TOR2A: variants seen among roughly 807,000 people sequenced by gnomAD.
TOR2A encodes the protein torsin family 2 member A.
In TOR2A, 24 loss-of-function variants were observed where a neutral mutation model predicts 28.6. The observed-to-expected ratio is 0.84, with a 90% confidence interval of 0.61 to 1.18. TOR2A has a LOEUF of 1.18. Among genes scored for constraint, TOR2A ranks in the 50% most tolerant of loss-of-function variants. TOR2A has a pLI of 0.00. For missense variants in TOR2A, 426 were observed against 448.1 expected, an observed-to-expected ratio of 0.95 and a Z score of 0.45; for synonymous variants, 203 against 203.1, an observed-to-expected ratio of 1.00 and a Z score of 0.00.
At chr9:127,732,793 C>G in intron 3 of TOR2A, 102 bp from the exon 4 acceptor site, 1 of 1,489,072 alleles carries the variant, frequency 6.7e-7, no homozygotes, top group East Asian at 2.5e-5. Flanking sequence ...GAACATGGCT[C>G]AGTGCGGGGA....
At position 127,735,155 on chromosome 9, in the gene TOR2A, G is replaced by T. The variant is rs544430816; in HGVS notation, c.116C>A (p.Ala39Asp). 71 of 1,485,426 alleles carry T rather than the reference G, an allele frequency of 4.8e-5. No homozygotes were observed. Among genetic ancestry groups the T allele is most frequent in the Admixed American group, 9.1e-5 (4 of 43,860 alleles). 92.0% of individuals were successfully genotyped at this position (1,485,426 alleles called of 1,614,324 possible). ...GGGCCGGAAGTCGCATTCGCAAAAG[G>T]CGCCCAAGGTGCAGCGCAGGGAAGC... ...DLASLRCTLG[A>D]FCECDFRPDL... is the part of the protein sequence containing the mutation. Residue 39 changes from alanine (A) to aspartate (D), a missense_variant, in exon 1 of 5, where the codon GCC becomes GAC. Transcript: ENST00000373284.
chr9:127,732,391 T>G, intron 4 of TOR2A, 113 bp from the exon 5 acceptor site: 4 of 1,460,966 alleles, frequency 2.7e-6, no homozygotes, highest in Non-Finnish European at 3.6e-6. Flanking sequence ...CTCAGCCGCC[T>G]TCTGGGTGTA....
chr9:127,733,115 C>G, intron 3 of TOR2A: 1 of 1,517,322 alleles, frequency 6.6e-7, no homozygotes, highest in Non-Finnish European at 8.8e-7. Flanking sequence ...GTCCTCCTCA[C>G]CACAAAAGAG....
intron 4 of TOR2A, 27 bp downstream of exon 4, chr9:127,732,537 G>A (rs756975653): frequency 9.6e-6 from 15 of 1,562,880 alleles, no homozygotes; most frequent in Admixed American, 7.1e-5. Context: ...GAAGCTGCCC[G>A]GGAGGGGGCT....
rs769877324 is a variant in TOR2A, at chr9:127,734,323, G to C, written c.393C>G (p.His131Gln). Residue 131 changes from histidine (H) to glutamine (Q), a missense_variant, in exon 2 of 5, where the codon CAC becomes CAG. Coordinates refer to ENST00000373284, the MANE Select transcript of TOR2A (RefSeq NM_001085347.3). The stretch of plus-strand genomic sequence containing the variant: ...CCTTGTAGCGCTCGATGTGGCTGGG[G>C]TGGGGGAAGTGGAGGACGGGAGAAA... ...HHFSPVLHFPHPSHIERYKKD... is the reference protein window; with the variant it reads ...HHFSPVLHFPQPSHIERYKKD... 6.2e-7 allele frequency: 1 copy of C among 1,602,580 alleles called. No individual in the cohort carries two copies. Among genetic ancestry groups the C allele is most frequent in the Non-Finnish European group, 8.5e-7 (1 of 1,174,122 alleles).
chr9:127,734,894 T>C, intron 1 of TOR2A: 1 of 644,750 alleles, frequency 1.6e-6, no homozygotes. Flanking sequence ...GCCCAAGAAC[T>C]TCCACCAAGG....
At chr9:127,732,805 G>A in intron 3 of TOR2A, 114 bp from the exon 4 acceptor site, 1 of 1,458,240 alleles carries the variant, frequency 6.9e-7, no homozygotes. Context: ...GTGCGGGGAG[G>A]AGCCAACTCC....
At position 127,731,878 on chromosome 9, in the gene TOR2A, C is replaced by A; in HGVS notation, c.*156G>T. ...TGGCCGGGGCCAAGATGCTCTCGAG[C>A]CAGTTTAGAGGCCAGGGCCCTTCCT... On this transcript the variant is annotated 3_prime_UTR_variant, in exon 5 of 5. Transcript: ENST00000373284. 4 of 1,437,438 alleles carry A rather than the reference C, an allele frequency of 2.8e-6. No individual in the cohort carries two copies. The highest frequency in any genetic ancestry group is 3.7e-6 in the Non-Finnish European group (4 of 1,086,744). The allele number at this position is 1,437,438 out of a possible 1,614,324, so 89.0% of individuals were successfully genotyped here.
chr9:127,733,271 G>C (rs1454436791), intron 3 of TOR2A, 114 bp downstream of exon 3: 4 of 1,613,010 alleles, frequency 2.5e-6, no homozygotes, highest in Non-Finnish European at 2.5e-6. Flanking sequence ...CACTGGGAAA[G>C]CCCAGCTAAG....
In TOR2A at chr9:127,731,835, G is replaced by T; in HGVS notation, c.*199C>A. Reference sequence around the variant, plus strand: ...CTCAGTGAGGTTCTGGGGTGACCAGGGGTTTCCCTGGGGAAGGTGGCCGGG... The same window carrying T: ...CTCAGTGAGGTTCTGGGGTGACCAGTGGTTTCCCTGGGGAAGGTGGCCGGG... On this transcript the variant is annotated 3_prime_UTR_variant, in exon 5 of 5. Transcript: ENST00000373284. 8.7e-7 allele frequency: 1 copy of T among 1,145,972 alleles called. No homozygotes were observed. The highest frequency in any genetic ancestry group is 1.2e-6 in the Non-Finnish European group (1 of 834,884). The allele number at this position is 1,145,972 out of a possible 1,614,324, so 71.0% of individuals were successfully genotyped here.
rs758115172 is a variant in TOR2A at position 127,734,359 on chromosome 9, G to T, written c.357C>A (p.Arg119=). The T allele has an allele frequency of 1.9e-5, 30 of 1,611,624 alleles. No homozygotes were observed. Among genetic ancestry groups the T allele is most frequent in the Non-Finnish European group, 2.3e-5 (27 of 1,179,292 alleles). ...GGAGGACGGGAGAAAAGTGGTGCAC[G>T]CGGGGGCTGCGGAGGCCGCCCTGGA... ...YLFQGGLRSP[R]VHHFSPVLHF... The change falls in exon 2 of 5, where the codon CGC becomes CGA. Residue 119 remains arginine (R), a synonymous_variant. Transcript: ENST00000373284.
Position 127,733,455 on chromosome 9 carries a change from G to T in TOR2A, c.523C>A (p.Arg175=). The T allele has an allele frequency of 6.2e-7, 1 of 1,613,850 alleles. No individual in the cohort carries two copies. The highest frequency in any genetic ancestry group is 8.5e-7 in the Non-Finnish European group (1 of 1,179,982). ...KMPPGLMEVL[R]PFLGSSWVVY... is the part of the protein sequence containing the mutation. ...ACCCAGGAGGAGCCCAGGAAAGGCC[G>T]CAGGACTTCCATCAGGCCTGGGGGC... The change falls in exon 3 of 5, where the codon CGG becomes AGG. Residue 175 remains arginine (R), a synonymous_variant. Transcript: ENST00000373284.
chr9:127,733,280 A>C (rs1340188726), intron 3 of TOR2A, 105 bp downstream of exon 3: 1 of 1,613,104 alleles, frequency 6.2e-7, no homozygotes, highest in East Asian at 2.2e-5. Flanking sequence ...AGCCCAGCTA[A>C]GCCCATGGGG....
chr9:127,731,751 C>T lies in TOR2A; in HGVS notation c.*283G>A, dbSNP rs915719737. On this transcript the variant is annotated 3_prime_UTR_variant, in exon 5 of 5. Coordinates refer to ENST00000373284, the MANE Select transcript of TOR2A (RefSeq NM_001085347.3). Reference sequence around the variant, plus strand: ...CTGAGGAGGGAGCACCGCCACGAGCCACAGTCCCTGAGTTATAATTCACAG... The same window carrying T: ...CTGAGGAGGGAGCACCGCCACGAGCTACAGTCCCTGAGTTATAATTCACAG... 42 of 682,602 alleles carry T rather than the reference C, an allele frequency of 6.2e-5. No homozygotes were observed. Among genetic ancestry groups the T allele is most frequent in the Admixed American group, 3.5e-4 (10 of 28,806 alleles). 42.3% of individuals were successfully genotyped at this position (682,602 alleles called of 1,614,324 possible).
chr9:127,734,484 C>T lies in TOR2A; in HGVS notation c.232G>A (p.Val78Met). 2 of 1,590,608 alleles carry T rather than the reference C, an allele frequency of 1.3e-6. No homozygotes were observed. The highest frequency in any genetic ancestry group is 2.3e-5 in the South Asian group (2 of 88,722). ...ALVVKALKAF[V>M]RDPAPTKPLV... The stretch of plus-strand genomic sequence containing the variant: ...GGCTTGGTGGGGGCTGGGTCCCGCA[C>T]AAAGGCCTTCAGCGCCTTCACCACC... Residue 78 changes from valine (V) to methionine (M), a missense_variant, in exon 2 of 5, where the codon GTG (valine) becomes ATG (methionine). Val to Met is a conservative substitution (Grantham distance 21). Transcript: ENST00000373284.
chr9:127,733,694 C>T (rs1471345844), intron 2 of TOR2A, 134 bp from the exon 3 acceptor site: 3 of 789,550 alleles, frequency 3.8e-6, no homozygotes, highest in Non-Finnish European at 5.9e-6. Flanking sequence ...CTTAGTGAGA[C>T]TGATGGTGAA....
chr9:127,733,809 G>A (rs904885635), intron 2 of TOR2A: 5 of 531,452 alleles, frequency 9.4e-6, no homozygotes, highest in Admixed American at 3.5e-5. Flanking sequence ...CTCCTTCCAC[G>A]ACACTTGCTG....
chr9:127,734,114 G>T, intron 2 of TOR2A, 185 bp downstream of exon 2: 1 of 707,376 alleles, frequency 1.4e-6, no homozygotes, highest in Non-Finnish European at 2.2e-6. Flanking sequence ...CTGCCCCAAG[G>T]AATCAAAGTA....
rs750331549 is a variant in TOR2A at position 127,734,466 on chromosome 9, T to G, written c.250A>C (p.Thr84Pro). The G allele has an allele frequency of 6.2e-7, 1 of 1,607,100 alleles. No individual in the cohort carries two copies. Among genetic ancestry groups the G allele is most frequent in the Non-Finnish European group, 8.5e-7 (1 of 1,177,102 alleles). The change falls in exon 2 of 5, where the codon ACC becomes CCC. Residue 84 changes from threonine (T) to proline (P), a missense_variant. Thr to Pro is a conservative substitution (Grantham distance 38). Coordinates refer to ENST00000373284, the MANE Select transcript of TOR2A (RefSeq NM_001085347.3). ...TGCAGGGAGAGGACCAGCGGCTTGGTGGGGGCTGGGTCCCGCACAAAGGCC... is the reference window on the plus strand; with the variant it reads ...TGCAGGGAGAGGACCAGCGGCTTGGGGGGGGCTGGGTCCCGCACAAAGGCC... ...LKAFVRDPAP[T>P]KPLVLSLHGW...
Sources: allele counts gnomAD v4.1 joint callset, GRCh38; gene constraint gnomAD v4.1.1; transcripts MANE v1.5; gene names NCBI Gene and HGNC (gene_info 2026-07-23, HGNC 2026-07-21).